Variants in PCDH9 observed in about 807,000 individuals in gnomAD.
PCDH9 encodes the protein protocadherin-9.
In PCDH9, 24 loss-of-function variants were observed where a neutral mutation model predicts 70.6. The observed-to-expected ratio is 0.34, with a 90% CI of 0.25 to 0.48. PCDH9 has a LOEUF of 0.48. Ranked by LOEUF, PCDH9 falls within the 20% of genes least tolerant of loss-of-function variation. The pLI is 0.99. For missense variants in PCDH9, 1,281 were observed against 1,503.6 expected, an observed-to-expected ratio of 0.85 and a Z score of 2.45; for synonymous variants, 562 against 558.5, an observed-to-expected ratio of 1.01 and a Z score of -0.09.
intron 3 of PCDH9, among the ~76,000 whole-genome samples, chr13:66,851,413 C>G (rs2081312432): frequency 6.6e-6 from 1 of 151,990 alleles, no homozygotes; most frequent in South Asian, 2.1e-4. Flanking sequence ...TTAAAATGAA[C>G]AGTGATTTTT....
chr13:66,360,765 TGG>T (rs1480451339), intron 4 of PCDH9, among the ~76,000 whole-genome samples: 1 of 152,090 alleles, frequency 6.6e-6, no homozygotes, highest in Non-Finnish European at 1.5e-5. Context: ...TCAAGGTGAA[TGG>T]AAATAAATGT....
At chr13:66,702,588 T>C (rs1287834708) in intron 3 of PCDH9, among the ~76,000 whole-genome samples, 1 of 152,132 alleles carries the variant, frequency 6.6e-6, no homozygotes, top group African/African-American at 2.4e-5. Context: ...ACCAAACCCA[T>C]GCCCCCCACC....
chr13:66,631,488 A>C, intron 3 of PCDH9, 77 bp from the exon 4 acceptor site: 1 of 791,012 alleles, frequency 1.3e-6, no homozygotes. Context: ...CAAAATCAAA[A>C]CACTTTCAAC....
At chr13:67,194,809 T>C (rs1379165788) in intron 2 of PCDH9, among the ~76,000 whole-genome samples, 1 of 152,132 alleles carries the variant, frequency 6.6e-6, no homozygotes, top group Non-Finnish European at 1.5e-5. Context: ...AGGGGCACAG[T>C]TGGAACTACT....
chr13:66,784,090 A>C (rs1462408905), intron 3 of PCDH9, among the ~76,000 whole-genome samples: 2 of 152,188 alleles, frequency 1.3e-5, no homozygotes, highest in Non-Finnish European at 2.9e-5. Context: ...ATAGAAATTT[A>C]TCACAAATAT....
chr13:67,167,597 C>A (rs140289989), intron 2 of PCDH9, among the ~76,000 whole-genome samples: 1 of 151,944 alleles, frequency 6.6e-6, no homozygotes, highest in Non-Finnish European at 1.5e-5. Flanking sequence ...GTTGACATTC[C>A]CTTGTGGCAG....
intron 4 of PCDH9, among the ~76,000 whole-genome samples, chr13:66,306,649 C>T (rs1037712074): frequency 4.0e-5 from 6 of 151,578 alleles, no homozygotes; most frequent in African/African-American, 1.2e-4. Context: ...TAAAAGTCTT[C>T]CTTTTAGAAT....
At chr13:67,154,595 A>ATATAT (rs1206022574) in intron 2 of PCDH9, among the ~76,000 whole-genome samples, 2 of 89,002 alleles carry the variant, frequency 2.2e-5, no homozygotes, top group African/African-American at 4.5e-5. Flanking sequence ...AAAAAAAAAA[A>ATATAT]ATATATATAT....
At chr13:67,218,598 C>G (rs867688128) in intron 2 of PCDH9, 20 of 151,952 alleles carry the variant, frequency 1.3e-4, no homozygotes, top group Admixed American at 6.6e-4. Flanking sequence ...GAGAGACAAA[C>G]TATAGAAGAA....
chr13:66,536,067 C>T (rs1048242825), intron 4 of PCDH9, among the ~76,000 whole-genome samples: 1 of 152,074 alleles, frequency 6.6e-6, no homozygotes, highest in African/African-American at 2.4e-5. Context: ...TGCTCCTCTG[C>T]TCCTCTTCCC....
At chr13:66,629,268 C>A (rs1379096639) in intron 4 of PCDH9, among the ~76,000 whole-genome samples, 2 of 152,134 alleles carry the variant, frequency 1.3e-5, no homozygotes, top group East Asian at 1.9e-4. Context: ...GGGACTCTTT[C>A]TTTTTTGGTT....
intron 4 of PCDH9, among the ~76,000 whole-genome samples, chr13:66,441,314 T>C (rs983379377): frequency 6.6e-6 from 1 of 152,294 alleles, no homozygotes. Flanking sequence ...ACCAGAGCTA[T>C]AGACAAATTT....
intron 2 of PCDH9, among the ~76,000 whole-genome samples, chr13:67,128,201 C>G (rs1036053825): frequency 2.6e-5 from 4 of 152,276 alleles, no homozygotes; most frequent in Middle Eastern, 3.4e-3. Flanking sequence ...AGATCATCAT[C>G]ATAAGGGCAT....
At chr13:66,615,192 C>A (rs1392502830) in intron 4 of PCDH9, among the ~76,000 whole-genome samples, 1 of 152,146 alleles carries the variant, frequency 6.6e-6, no homozygotes, top group African/African-American at 2.4e-5. Flanking sequence ...AATTTTGCTT[C>A]TAAGAGAAGT....
chr13:67,087,966 G>T (rs767274066), intron 2 of PCDH9, among the ~76,000 whole-genome samples: 10 of 152,136 alleles, frequency 6.6e-5, no homozygotes, highest in Admixed American at 3.9e-4. Context: ...TAAATTGCAA[G>T]CCAAGACTGT....
chr13:66,956,454 C>A lies in PCDH9; in HGVS notation c.3037-52849G>T, dbSNP rs536662208. Among the ~76,000 whole-genome samples, 4 of 152,168 alleles carry A rather than the reference C, an allele frequency of 2.6e-5. No homozygotes were observed. The South Asian group carries it at 8.3e-4, about 32-fold the overall frequency. On this transcript the variant is annotated intron_variant, in intron 2 of 4. Coordinates refer to ENST00000377865, the MANE Select transcript of PCDH9 (RefSeq NM_203487.3). The stretch of plus-strand genomic sequence containing the variant: ...AGCCATAGCTGTGACTTCAGTATTA[C>A]AAGTAGGAATTTGGCCAGGTGCGGT...
intron 3 of PCDH9, among the ~76,000 whole-genome samples, chr13:66,724,532 A>G (rs997034552): frequency 6.6e-6 from 1 of 152,196 alleles, no homozygotes; most frequent in African/African-American, 2.4e-5. Flanking sequence ...TCCAGACCAT[A>G]TGTGATAATA....
chr13:67,180,731 C>T (rs1225294006), intron 2 of PCDH9, among the ~76,000 whole-genome samples: 1 of 152,128 alleles, frequency 6.6e-6, no homozygotes, highest in Non-Finnish European at 1.5e-5. Context: ...ATTGCTCCTT[C>T]TACCTTCAGA....
At chr13:66,521,665 G>A (rs1417672867) in intron 4 of PCDH9, among the ~76,000 whole-genome samples, 1 of 152,032 alleles carries the variant, frequency 6.6e-6, no homozygotes, top group Admixed American at 6.6e-5. Flanking sequence ...AGAGAGGCTT[G>A]GTTTAACAAA....
Sources: gnomAD v4.1 joint callset for allele counts (sites outside exome capture counted in the v4.1 genomes callset) on GRCh38, gnomAD v4.1.1 for gene constraint, MANE v1.5 for transcripts, NCBI Gene and HGNC (gene_info 2026-07-23, HGNC 2026-07-21) for gene names.